Variants in WDR33 observed in about 807,000 individuals in gnomAD.
The protein encoded by WDR33 is pre-mRNA 3' end processing protein WDR33.
A neutral mutation model predicts 164.9 loss-of-function variants in WDR33; 47 were observed. The observed-to-expected ratio is 0.29, with a 90% CI of 0.23 to 0.36. WDR33 has a LOEUF of 0.36. Ranked by LOEUF, WDR33 falls within the 10% of genes least tolerant of loss-of-function variation. The probability of loss-of-function intolerance (pLI) is 1.00; values close to 1 mark genes in which losing one functional copy is unlikely to be tolerated. For missense variants in WDR33, 1,137 were observed against 1,754.1 expected, an observed-to-expected ratio of 0.65 and a Z score of 6.28; for synonymous variants, 505 against 589.0, an observed-to-expected ratio of 0.86 and a Z score of 2.06.
At chr2:127,783,858 G>A (rs911147277) in intron 1 of WDR33, among the ~76,000 whole-genome samples, 3 of 151,410 alleles carry the variant, frequency 2.0e-5, no homozygotes, top group African/African-American at 4.9e-5. Context: ...CTCCTGCCTC[G>A]GTCTCCCAAA....
rs1267146886 is a variant in WDR33, at chr2:127,710,490, G to A, written c.3309-634C>T. Among the ~76,000 whole-genome samples the A allele has an allele frequency of 6.6e-6, 1 of 152,060 alleles. No homozygotes were observed. The highest frequency in any genetic ancestry group is 6.5e-5 in the Admixed American group (1 of 15,272). On this transcript the variant is annotated intron_variant, in intron 18 of 21. Coordinates refer to ENST00000322313, the MANE Select transcript of WDR33 (RefSeq NM_018383.5). This position sits in a 1 kb window ranked among gnomAD's most constrained non-coding sequence, Gnocchi z 4.4. ...TGACCACGAGTGGCACTCATGGCCC[G>A]AGTCCACAGCTGATGGGCACACAGG...
rs1024869606 is a variant in WDR33 at position 127,701,495 on chromosome 2, G to C, written c.*4828C>G. The C allele has an allele frequency of 1.0e-5, 13 of 1,274,326 alleles. No homozygotes were observed. The South Asian group carries it at 2.5e-4, about 24-fold the overall frequency. 78.9% of individuals were successfully genotyped at this position (1,274,326 alleles called of 1,614,324 possible). On this transcript the variant is annotated 3_prime_UTR_variant, in exon 22 of 22. Transcript: ENST00000322313. ...TTCAGCGGAGGGCCGGAAGTGAGCC[G>C]CAGCTTTTCCTTTCTGCCACCGCCT...
rs1003071131 is a variant in WDR33, at chr2:127,736,998, G to A, written c.725-10221C>T. The A allele has an allele frequency of 1.0e-5, 10 of 985,308 alleles. 1 individual carries two copies. In the South Asian group the frequency reaches 3.8e-4, roughly 37 times the overall value. The allele number at this position is 985,308 out of a possible 1,614,324, so 61.0% of individuals were successfully genotyped here. ...AGGTACAATATTATTCCAAAACACTGCCTGAGGGTGTATAAAATGTGTGTC... is the reference window on the plus strand; with the variant it reads ...AGGTACAATATTATTCCAAAACACTACCTGAGGGTGTATAAAATGTGTGTC... On this transcript the variant is annotated intron_variant, in intron 7 of 21. Transcript: ENST00000322313.
rs992457347 is a variant in WDR33, at chr2:127,710,492, G to A, written c.3309-636C>T. 3.9e-5 allele frequency among the ~76,000 whole-genome samples: 6 copies of A among 152,080 alleles called. No homozygotes were observed. The highest frequency in any genetic ancestry group is 1.4e-4 in the African/African-American group (6 of 41,398). On this transcript the variant is annotated intron_variant, in intron 18 of 21. Coordinates refer to ENST00000322313, the MANE Select transcript of WDR33 (RefSeq NM_018383.5). This position sits in a 1 kb window ranked among gnomAD's most constrained non-coding sequence, Gnocchi z 4.4. The stretch of plus-strand genomic sequence containing the variant: ...ACCACGAGTGGCACTCATGGCCCGA[G>A]TCCACAGCTGATGGGCACACAGGTC...
intron 7 of WDR33, chr2:127,737,169 C>T (rs1290319936): frequency 3.0e-6 from 3 of 985,254 alleles, no homozygotes; most frequent in Non-Finnish European, 3.6e-6. Context: ...ATCAAAGATG[C>T]TTAAAGGAAT....
chr2:127,701,533 C>T lies in WDR33; in HGVS notation c.*4790G>A, dbSNP rs546437324. On this transcript the variant is annotated 3_prime_UTR_variant, in exon 22 of 22. Coordinates refer to ENST00000322313, the MANE Select transcript of WDR33 (RefSeq NM_018383.5). Reference sequence around the variant, plus strand: ...TCTGCCACCGCCTTGTCCAAGATGGCGGACCTCCACCGCCAGCTGCAGGAG... The same window carrying T: ...TCTGCCACCGCCTTGTCCAAGATGGTGGACCTCCACCGCCAGCTGCAGGAG... 5.2e-5 allele frequency: 69 copies of T among 1,332,836 alleles called. No individual in the cohort carries two copies. Among genetic ancestry groups the T allele is most frequent in the South Asian group, 4.1e-4 (20 of 49,246 alleles). 82.6% of individuals were successfully genotyped at this position (1,332,836 alleles called of 1,614,324 possible).
chr2:127,711,780 A>ATATATATATATATATATATATATATTTT, intron 18 of WDR33, among the ~76,000 whole-genome samples: 3 of 88,304 alleles, frequency 3.4e-5, no homozygotes, highest in African/African-American at 1.9e-4. Context: ...ATATATATAT[A>ATATATATATATATATATATATATATTTT]TTTTTTTTTT....
chr2:127,759,111 T>C (rs1297443623), intron 7 of WDR33, among the ~76,000 whole-genome samples: 1 of 152,204 alleles, frequency 6.6e-6, no homozygotes, highest in Non-Finnish European at 1.5e-5. Flanking sequence ...TCCCAGTCCA[T>C]AAGTTGCCAT....
Position 127,722,486 on chromosome 2 carries a change from G to T in WDR33, c.1518+105C>A. 6.9e-7 allele frequency: 1 copy of T among 1,458,006 alleles called. No homozygotes were observed. 90.3% of individuals were successfully genotyped at this position (1,458,006 alleles called of 1,614,324 possible). On this transcript the variant is annotated intron_variant, in intron 14 of 21. Transcript: ENST00000322313. The surrounding 1 kb of genome is among the most constrained non-coding windows in gnomAD (Gnocchi z 5.1). Reference sequence around the variant, plus strand: ...AAGAGTACGTGAACATGGGAAAAATGCTCCAGTACAGAAACACCTTCAACA... The same window carrying T: ...AAGAGTACGTGAACATGGGAAAAATTCTCCAGTACAGAAACACCTTCAACA...
chr2:127,810,778 G>A (rs1186158158), intron 1 of WDR33: 1 of 118,464 alleles, frequency 8.4e-6, no homozygotes, highest in Non-Finnish European at 1.7e-5. Flanking sequence ...TCCCAGTCAG[G>A]GCCTTAGTTC....
intron 1 of WDR33, among the ~76,000 whole-genome samples, chr2:127,772,090 A>C (rs1688023344): frequency 6.6e-6 from 1 of 151,958 alleles, no homozygotes; most frequent in African/African-American, 2.4e-5. Flanking sequence ...TGGCCTCCTA[A>C]AGTGCTGGGA....
chr2:127,765,732 A>AT (rs1687800982), intron 4 of WDR33, among the ~76,000 whole-genome samples: 1 of 151,988 alleles, frequency 6.6e-6, no homozygotes, highest in East Asian at 1.9e-4. Flanking sequence ...AAAACAAGAT[A>AT]ATAATAAGTA....
At position 127,722,442 on chromosome 2, in the gene WDR33, G is replaced by T; in HGVS notation, c.1518+149C>A. 9.2e-7 allele frequency: 1 copy of T among 1,090,844 alleles called. No homozygotes were observed. Among genetic ancestry groups the T allele is most frequent in the South Asian group, 1.7e-5 (1 of 58,524 alleles). The allele number at this position is 1,090,844 out of a possible 1,614,324, so 67.6% of individuals were successfully genotyped here. On this transcript the variant is annotated intron_variant, in intron 14 of 21. Transcript: ENST00000322313. This position sits in a 1 kb window ranked among gnomAD's most constrained non-coding sequence, Gnocchi z 5.1. ...ACAAACTCAATACAACTGCAAAGCA[G>T]TAGATGAGAACCATGTCTAAGAGTA...
Position 127,744,140 on chromosome 2 carries a change from G to T in WDR33, c.725-17363C>A, listed in dbSNP as rs149472564. 7.9e-3 allele frequency among the ~76,000 whole-genome samples: 1,196 copies of T among 152,280 alleles called. 22 individuals are homozygous for T. The highest frequency in any genetic ancestry group is 0.027 in the African/African-American group (1,113 of 41,564). ...TATTTTCAGTTTGGCTAGATGACAA[G>T]AACTTTCTTAAACTTCATCGTTGAT... On this transcript the variant is annotated intron_variant, in intron 7 of 21. Coordinates refer to ENST00000322313, the MANE Select transcript of WDR33 (RefSeq NM_018383.5).
At chr2:127,799,887 G>A (rs1158470148) in intron 1 of WDR33, among the ~76,000 whole-genome samples, 1 of 152,094 alleles carries the variant, frequency 6.6e-6, no homozygotes, top group African/African-American at 2.4e-5. Flanking sequence ...GTGAGACCCC[G>A]TCTCTAAAAT....
chr2:127,761,354 C>A lies in WDR33; in HGVS notation c.724+1708G>T, dbSNP rs776802624. On this transcript the variant is annotated intron_variant, in intron 7 of 21. Transcript: ENST00000322313. ...TAGCTGGGACTACAGGCGCCCACCACGACACCCAGCTAATTTTTTGTATTT... is the reference window on the plus strand; with the variant it reads ...TAGCTGGGACTACAGGCGCCCACCAAGACACCCAGCTAATTTTTTGTATTT... 5.3e-5 allele frequency among the ~76,000 whole-genome samples: 8 copies of A among 151,956 alleles called. No individual in the cohort carries two copies. The South Asian group carries it at 1.7e-3, about 32-fold the overall frequency.
At chr2:127,805,648 A>G (rs1689410046) in intron 1 of WDR33, among the ~76,000 whole-genome samples, 3 of 152,214 alleles carry the variant, frequency 2.0e-5, no homozygotes, top group Non-Finnish European at 4.4e-5. Context: ...ACCCTTTGAA[A>G]CTGCCCAAAA....
intron 7 of WDR33, among the ~76,000 whole-genome samples, chr2:127,758,630 A>G (rs868474823): frequency 5.9e-5 from 9 of 152,308 alleles, no homozygotes; most frequent in Middle Eastern, 3.4e-3. Context: ...TTATGAGTAT[A>G]ATGGGGAGGG....
Position 127,720,442 on chromosome 2 carries a change from G to T in WDR33, c.1672-89C>A. On this transcript the variant is annotated intron_variant, in intron 15 of 21. Transcript: ENST00000322313. This position sits in a 1 kb window ranked among gnomAD's most constrained non-coding sequence, Gnocchi z 5.9. Reference sequence around the variant, plus strand: ...ATTGCTATCATGTATTCTGTTAGGGGACTCTCAAACATAAAAACTGCTCAA... The same window carrying T: ...ATTGCTATCATGTATTCTGTTAGGGTACTCTCAAACATAAAAACTGCTCAA... 6 of 1,413,932 alleles carry T rather than the reference G, an allele frequency of 4.2e-6. No homozygotes were observed. The highest frequency in any genetic ancestry group is 5.5e-6 in the Non-Finnish European group (6 of 1,081,196). 87.6% of individuals were successfully genotyped at this position (1,413,932 alleles called of 1,614,324 possible).
Sources: gnomAD v4.1 joint callset for allele counts (sites outside exome capture counted in the v4.1 genomes callset) on GRCh38, gnomAD v4.1.1 for gene constraint, Gnocchi (gnomAD v3.1) non-coding constraint, MANE v1.5 for transcripts, NCBI Gene and HGNC (gene_info 2026-07-23, HGNC 2026-07-21) for gene names.